The following ZCCHC2 variants were observed in gnomAD, a reference collection of about 807,000 sequenced individuals.
The protein encoded by ZCCHC2 is zinc finger CCHC domain-containing protein 2.
In ZCCHC2, 39 loss-of-function variants were observed where a neutral mutation model predicts 103.6. The observed-to-expected ratio is 0.38, with a 90% CI of 0.29 to 0.49. The LOEUF (loss-of-function observed/expected upper bound fraction) is 0.49, where lower values mean the gene tolerates loss of function less well. Ranked by LOEUF, ZCCHC2 falls within the 20% of genes least tolerant of loss-of-function variation. ZCCHC2 has a pLI of 0.96. For missense variants in ZCCHC2, 1,483 were observed against 1,491.0 expected, an observed-to-expected ratio of 0.99 and a Z score of 0.09; for synonymous variants, 687 against 608.9, an observed-to-expected ratio of 1.13 and a Z score of -1.89.
chr18:62,577,523 G>A lies in ZCCHC2; in HGVS notation c.*944G>A, dbSNP rs566927748. The A allele has an allele frequency of 7.9e-5, 12 of 152,710 alleles. No individual in the cohort carries two copies. In the South Asian group the frequency reaches 2.5e-3, roughly 32 times the overall value. The allele number at this position is 152,710 out of a possible 1,614,324, so 9.5% of individuals were successfully genotyped here. A position where few individuals can be genotyped will look rare whatever the true frequency, so the allele number is the denominator to read the frequency against. ...TTCTTTCCCTGTACCAGCTGTTACA[G>A]TGTTACGTTGTGTTTAAAATGTGTA... On this transcript the variant is annotated 3_prime_UTR_variant, in exon 14 of 14. Transcript: ENST00000269499.
chr18:62,539,752 G>A lies in ZCCHC2; in HGVS notation c.1011G>A (p.Gln337=), dbSNP rs1377005844. Residue 337 remains glutamine, a synonymous_variant, in exon 2 of 14, where the codon CAG becomes CAA. Coordinates refer to ENST00000269499, the MANE Select transcript of ZCCHC2 (RefSeq NM_017742.6). The part of the protein sequence containing the change: ...SSLIEQAPIP[Q]DGLTVAPHRA... ...TAATAGAGCAAGCTCCAATACCTCA[G>A]GACGGACTTACCGTGGCACCTCACA... 2 of 1,608,442 alleles carry A rather than the reference G, an allele frequency of 1.2e-6. No homozygotes were observed. Among genetic ancestry groups the A allele is most frequent in the Non-Finnish European group, 1.7e-6 (2 of 1,177,446 alleles).
chr18:62,539,884 C>A, intron 2 of ZCCHC2, 92 bp downstream of exon 2: 1 of 1,059,604 alleles, frequency 9.4e-7, no homozygotes, highest in Non-Finnish European at 1.4e-6. Context: ...TTTTTACTCT[C>A]CTTTTTGAAG....
intron 1 of ZCCHC2, chr18:62,525,090 C>G (rs537721672): frequency 6.6e-6 from 1 of 152,208 alleles, no homozygotes; most frequent in Non-Finnish European, 1.5e-5. Flanking sequence ...TGCTTTTTCC[C>G]TCCGGCACAC....
At chr18:62,534,337 T>C (rs1365160438) in intron 1 of ZCCHC2, among the ~76,000 whole-genome samples, 2 of 151,968 alleles carry the variant, frequency 1.3e-5, no homozygotes, top group Non-Finnish European at 2.9e-5. Flanking sequence ...AATCTGATTA[T>C]TTGTACTCCC....
At chr18:62,540,437 T>TC (rs1915121727) in intron 2 of ZCCHC2, among the ~76,000 whole-genome samples, 2 of 102,160 alleles carry the variant, frequency 2.0e-5, no homozygotes, top group African/African-American at 1.0e-4. Context: ...TATGTCTCCT[T>TC]TTTTTTTTTT....
chr18:62,547,549 G>GTT (rs1157243963), intron 4 of ZCCHC2, among the ~76,000 whole-genome samples: 2 of 142,622 alleles, frequency 1.4e-5, no homozygotes, highest in Non-Finnish European at 3.1e-5. Context: ...GGGTTTGTTT[G>GTT]TTTTTTTTTT....
chr18:62,563,218 A>G lies in ZCCHC2; in HGVS notation c.1686+74A>G. ...CTATAAGAAAAAAATTAAGTTCTGT[A>G]AGCTTTCAGTCAGACAGTATATCTG... On this transcript the variant is annotated intron_variant, in intron 9 of 13. Coordinates refer to ENST00000269499, the MANE Select transcript of ZCCHC2 (RefSeq NM_017742.6). 7.9e-6 allele frequency: 12 copies of G among 1,526,112 alleles called. No homozygotes were observed. The South Asian group carries it at 1.2e-4, about 16-fold the overall frequency. 94.5% of individuals were successfully genotyped at this position (1,526,112 alleles called of 1,614,324 possible).
chr18:62,534,688 G>T (rs576487067), intron 1 of ZCCHC2, among the ~76,000 whole-genome samples: 45 of 152,304 alleles, frequency 3.0e-4, no homozygotes, highest in African/African-American at 1.0e-3. Context: ...TTTGTCTTGG[G>T]TATCAAATGA....
intron 6 of ZCCHC2, 116 bp downstream of exon 6, chr18:62,556,413 C>A: frequency 1.3e-6 from 1 of 742,810 alleles, no homozygotes; most frequent in Non-Finnish European, 2.1e-6. Context: ...TAGTGACATA[C>A]ATTTTTAATG....
rs1340186551 is a variant in ZCCHC2, at chr18:62,564,606, TAAG to T, written c.1728_1730del (p.Lys577del). 4.8e-5 allele frequency: 74 copies of T among 1,544,894 alleles called. No homozygotes were observed. Among genetic ancestry groups the T allele is most frequent in the East Asian group, 2.0e-4 (8 of 40,930 alleles). On this transcript the variant is annotated inframe_deletion, in exon 10 of 14. Coordinates refer to ENST00000269499, the MANE Select transcript of ZCCHC2 (RefSeq NM_017742.6). ...AAAAACGGAGTTTATCTTCAATAAA[TAAG>T]AAGAAAGGAAAGCCACAAACAGAAA...
intron 1 of ZCCHC2, among the ~76,000 whole-genome samples, chr18:62,532,130 C>T (rs546655946): frequency 3.9e-5 from 6 of 152,336 alleles, no homozygotes; most frequent in Admixed American, 1.3e-4. Flanking sequence ...TGTGCGCGCG[C>T]GCGCACGTGC....
rs557312696 is a variant in ZCCHC2 at position 62,536,703 on chromosome 18, G to A, written c.940-2978G>A. Among the ~76,000 whole-genome samples, 12 of 152,268 alleles carry A rather than the reference G, an allele frequency of 7.9e-5. No individual in the cohort carries two copies. The South Asian group carries it at 1.4e-3, about 18-fold the overall frequency. ...GTAATAGCTTCTAAACATAGTCTACGTGATTTTATAGCATTGATACATGCT... is the reference window on the plus strand; with the variant it reads ...GTAATAGCTTCTAAACATAGTCTACATGATTTTATAGCATTGATACATGCT... On this transcript the variant is annotated intron_variant, in intron 1 of 13. Transcript: ENST00000269499.
chr18:62,570,084 A>G lies in ZCCHC2; in HGVS notation c.1847-19A>G. 1 of 1,563,226 alleles carries G rather than the reference A, an allele frequency of 6.4e-7. No homozygotes were observed. Among genetic ancestry groups the G allele is most frequent in the Non-Finnish European group, 8.7e-7 (1 of 1,155,216 alleles). ...AAATGACTTAACATGATTTTTTAAA[A>G]TAGTGTTGTTATTTTTAGATGTGAA... On this transcript the variant is annotated intron_variant, in intron 11 of 13. Coordinates refer to ENST00000269499, the MANE Select transcript of ZCCHC2 (RefSeq NM_017742.6).
chr18:62,524,209 T>C lies in ZCCHC2; in HGVS notation c.785T>C (p.Leu262Pro). Residue 262 changes from leucine (L) to proline (P), a missense_variant, in exon 1 of 14, where the codon CTC (leucine) becomes CCC (proline). By Grantham distance (98) the Leu-to-Pro change is moderately conservative. Around this residue, in one of 3 missense-constraint regions of ZCCHC2, gnomAD observed 568 missense variants for 525.1 expected, o/e 1.08. Transcript: ENST00000269499. ...AGGGCCCAGGAGGAACTGCTGCTGC[T>C]CTTCACCATGGCCTCGCTGCACCCG... is the stretch of plus-strand genomic sequence containing the variant. ...GSRAQEELLL[L>P]FTMASLHPAF... 6.5e-7 allele frequency: 1 copy of C among 1,549,848 alleles called. No individual in the cohort carries two copies. Among genetic ancestry groups the C allele is most frequent in the Non-Finnish European group, 8.7e-7 (1 of 1,146,614 alleles).
At chr18:62,572,077 T>G (rs1021121017) in intron 12 of ZCCHC2, among the ~76,000 whole-genome samples, 1 of 152,210 alleles carries the variant, frequency 6.6e-6, no homozygotes, top group African/African-American at 2.4e-5. Context: ...AGGATTTTTT[T>G]CGTCTTCTTT....
At chr18:62,533,820 C>T (rs767641677) in intron 1 of ZCCHC2, among the ~76,000 whole-genome samples, 11 of 138,916 alleles carry the variant, frequency 7.9e-5, no homozygotes, top group Non-Finnish European at 1.4e-4. Context: ...TGCAGTGACC[C>T]GATATGGTGA....
intron 1 of ZCCHC2, chr18:62,525,227 C>G (rs1259289565): frequency 6.6e-6 from 1 of 152,174 alleles, no homozygotes. Flanking sequence ...AGACGAGAAT[C>G]CAGATGAGAC....
intron 1 of ZCCHC2, among the ~76,000 whole-genome samples, chr18:62,529,159 CA>C (rs67299838): frequency 0.013 from 889 of 67,542 alleles, 1 homozygote; most frequent in East Asian, 0.065. Context: ...GACAACGTCT[CA>C]AAAAAAAAAA....
At chr18:62,561,288 G>A (rs1916104774) in intron 8 of ZCCHC2, among the ~76,000 whole-genome samples, 1 of 152,154 alleles carries the variant, frequency 6.6e-6, no homozygotes, top group South Asian at 2.1e-4. Context: ...TTCTAATTGG[G>A]CAGTTACTTT....
Sources: allele counts gnomAD v4.1 joint callset (sites outside exome capture counted in the v4.1 genomes callset), GRCh38; gene constraint gnomAD v4.1.1; regional missense constraint gnomAD v4.1.1; transcripts MANE v1.5; gene names NCBI Gene and HGNC (gene_info 2026-07-23, HGNC 2026-07-21).